The following CNTN3 variants were observed in gnomAD, a reference collection of about 807,000 sequenced individuals.
CNTN3 encodes the protein contactin 3.
In CNTN3, 60 loss-of-function variants were observed where a neutral mutation model predicts 119.1. The observed-to-expected ratio is 0.50, with a 90% CI of 0.41 to 0.62. The LOEUF (loss-of-function observed/expected upper bound fraction) is 0.62. CNTN3 is among the 20% of genes least tolerant of loss of function. The pLI, the probability that CNTN3 is intolerant of heterozygous loss-of-function variation, is 0.00. For missense variants in CNTN3, 1,101 were observed against 1,242.4 expected (o/e 0.89, Z 1.71); for synonymous variants, 450 against 438.7 (o/e 1.03, Z -0.32).
At chr3:74,334,460 T>C (rs1042480298) in intron 13 of CNTN3, among the ~76,000 whole-genome samples, 3 of 152,138 alleles carry the variant, frequency 2.0e-5, no homozygotes, top group Non-Finnish European at 4.4e-5. Context: ...TTCGTTTCCA[T>C]AAGACATTAA....
chr3:74,539,102 C>A (rs1431415815), intron 1 of CNTN3, among the ~76,000 whole-genome samples: 1 of 152,036 alleles, frequency 6.6e-6, no homozygotes, highest in African/African-American at 2.4e-5. Flanking sequence ...AAGATATTTT[C>A]TTTCCACCCT....
chr3:74,500,661 CA>C (rs1703151617), intron 2 of CNTN3, among the ~76,000 whole-genome samples: 1 of 151,882 alleles, frequency 6.6e-6, no homozygotes, highest in South Asian at 2.1e-4. Flanking sequence ...CAAGAAGCAG[CA>C]AAAAAGGCCC....
chr3:74,534,185 C>A (rs1197206020), intron 1 of CNTN3, among the ~76,000 whole-genome samples: 1 of 152,042 alleles, frequency 6.6e-6, no homozygotes, highest in Non-Finnish European at 1.5e-5. Flanking sequence ...GCTTGGTGCA[C>A]TTCTTAAAAC....
rs149404080 is a variant in CNTN3, at chr3:74,319,853, T to C, written c.1668+14882A>G. The stretch of plus-strand genomic sequence containing the variant: ...ACAAACAACCCCATCAATAAGCAGG[T>C]GAAGGAGATGAACAGACACTTCTCA... On this transcript the variant is annotated intron_variant, in intron 13 of 22. Transcript: ENST00000263665. Among the ~76,000 whole-genome samples the C allele has an allele frequency of 7.2e-3, 1,061 of 148,334 alleles. 11 individuals carry two copies. Among genetic ancestry groups the C allele is most frequent in the African/African-American group, 0.025 (1,012 of 40,638 alleles).
At chr3:74,369,810 A>T in intron 7 of CNTN3, 79 bp downstream of exon 7, 3 of 729,600 alleles carry the variant, frequency 4.1e-6, no homozygotes, top group Non-Finnish European at 6.9e-6. Flanking sequence ...ATAAAAAAGA[A>T]GAGTCTCTCA....
intron 1 of CNTN3, among the ~76,000 whole-genome samples, chr3:74,563,245 T>C (rs1017423941): frequency 2.6e-5 from 4 of 152,136 alleles, no homozygotes; most frequent in African/African-American, 7.2e-5. Flanking sequence ...GAATACCTTT[T>C]TCACTTGAAA....
At chr3:74,325,512 TA>T (rs1029303768) in intron 13 of CNTN3, among the ~76,000 whole-genome samples, 2 of 152,032 alleles carry the variant, frequency 1.3e-5, no homozygotes, top group East Asian at 3.9e-4. Flanking sequence ...GCAAAAATTT[TA>T]AAAAAATGAA....
chr3:74,547,320 G>T (rs1054415713), intron 1 of CNTN3, among the ~76,000 whole-genome samples: 3 of 152,124 alleles, frequency 2.0e-5, no homozygotes, highest in Non-Finnish European at 4.4e-5. Flanking sequence ...ATCACTAGTA[G>T]ATGCATCAAA....
intron 1 of CNTN3, among the ~76,000 whole-genome samples, chr3:74,608,862 C>T (rs1230602187): frequency 2.0e-5 from 3 of 152,066 alleles, no homozygotes; most frequent in Non-Finnish European, 4.4e-5. Flanking sequence ...AATACATTTA[C>T]CCCCTAAAGG....
At chr3:74,292,051 C>T (rs564997060) in intron 19 of CNTN3, among the ~76,000 whole-genome samples, 23 of 152,146 alleles carry the variant, frequency 1.5e-4, no homozygotes, top group Admixed American at 7.9e-4. Context: ...CCAAGAAACA[C>T]GGAACAATCT....
chr3:74,336,654 A>T lies in CNTN3; in HGVS notation c.1369T>A (p.Ser457Thr). 6.2e-7 allele frequency: 1 copy of T among 1,605,436 alleles called. No homozygotes were observed. The highest frequency in any genetic ancestry group is 8.5e-7 in the Non-Finnish European group (1 of 1,174,612). The change falls in exon 12 of 23, where the codon TCT becomes ACT. Residue 457 changes from serine (S) to threonine (T), a missense_variant. By Grantham distance (58) the Ser-to-Thr change is moderately conservative (BLOSUM62 1). Transcript: ENST00000263665. The part of the protein sequence containing the change: ...DVSVQEHERI[S>T]LLNDGGLKIA... ...TTGAGTCCTCCATCGTTTAACAAAG[A>T]AATTCTAAAGCAAAGACAAATAAGA...
chr3:74,409,689 C>T (rs1310322457), intron 5 of CNTN3, among the ~76,000 whole-genome samples: 1 of 152,162 alleles, frequency 6.6e-6, no homozygotes, highest in African/African-American at 2.4e-5. Flanking sequence ...CTTTTCTCTA[C>T]ATGACACTTC....
At chr3:74,369,828 T>C (rs1704292820) in intron 7 of CNTN3, 61 bp downstream of exon 7, 1 of 900,446 alleles carries the variant, frequency 1.1e-6, no homozygotes, top group Admixed American at 2.4e-5. Flanking sequence ...TCAAAAACCA[T>C]CCTGATTTCT....
At chr3:74,565,842 T>C (rs181273686) in intron 1 of CNTN3, among the ~76,000 whole-genome samples, 75 of 152,256 alleles carry the variant, frequency 4.9e-4, no homozygotes, top group Admixed American at 1.5e-3. Flanking sequence ...CCAAATCTCA[T>C]TTTGACTTGT....
intron 1 of CNTN3, 32 bp from the exon 2 acceptor site, chr3:74,521,224 A>T: frequency 2.4e-5 from 5 of 212,234 alleles, no homozygotes; most frequent in South Asian, 3.0e-4. Context: ...AAGTTCGTTA[A>T]AAAAAAAAAA....
intron 13 of CNTN3, among the ~76,000 whole-genome samples, chr3:74,327,999 T>A (rs1403330878): frequency 1.3e-5 from 2 of 151,830 alleles, no homozygotes; most frequent in Non-Finnish European, 2.9e-5. Context: ...CTTTTTGATA[T>A]TATATGAATT....
intron 1 of CNTN3, among the ~76,000 whole-genome samples, chr3:74,591,085 A>C (rs2106686740): frequency 6.6e-6 from 1 of 152,130 alleles, no homozygotes; most frequent in South Asian, 2.1e-4. Flanking sequence ...ATTCCGGTGT[A>C]GTCACGGCTA....
At chr3:74,541,078 A>G (rs1173309957) in intron 1 of CNTN3, among the ~76,000 whole-genome samples, 1 of 152,182 alleles carries the variant, frequency 6.6e-6, no homozygotes, top group African/African-American at 2.4e-5. Flanking sequence ...GTTACAGGGT[A>G]TCAAGTGTTC....
At chr3:74,386,044 G>A (rs1427900103) in intron 5 of CNTN3, among the ~76,000 whole-genome samples, 1 of 152,138 alleles carries the variant, frequency 6.6e-6, no homozygotes, top group Non-Finnish European at 1.5e-5. Flanking sequence ...CTGTTTTACA[G>A]ATAAGGTAAC....
Sources: gnomAD v4.1 joint callset for allele counts (sites outside exome capture counted in the v4.1 genomes callset) on GRCh38, gnomAD v4.1.1 for gene constraint, MANE v1.5 for transcripts, NCBI Gene and HGNC (gene_info 2026-07-23, HGNC 2026-07-21) for gene names.